The following PXN variants were observed in gnomAD, a reference collection of about 807,000 sequenced individuals.
The protein encoded by PXN is paxillin, also known as testicular tissue protein Li 134.
A neutral mutation model predicts 103.6 loss-of-function variants in PXN; 61 were observed. That is an observed-to-expected ratio of 0.59 (90% CI 0.48 to 0.73). The LOEUF (loss-of-function observed/expected upper bound fraction) is 0.73. PXN is among the 30% of genes least tolerant of loss of function. PXN has a pLI of 0.00. For synonymous variants in PXN, 562 were observed against 607.8 expected (o/e 0.92, Z 1.11); for missense variants, 1,274 against 1,460.3 (o/e 0.87, Z 2.08).
chr12:120,223,739 C>G lies in PXN; in HGVS notation c.335G>C (p.Gly112Ala), dbSNP rs377641479. The G allele has an allele frequency of 1.2e-6, 2 of 1,602,002 alleles. No homozygotes were observed. Among genetic ancestry groups the G allele is most frequent in the African/African-American group, 2.7e-5 (2 of 74,718 alleles). The change falls in exon 3 of 15, where the codon GGT (glycine) becomes GCT (alanine). Residue 112 changes from glycine to alanine, a missense_variant. Physicochemically the swap from Gly to Ala is moderately conservative, Grantham distance 60. This residue lies in a region of PXN where 1,178 missense variants were observed against 1,309.0 expected (regional missense o/e 0.90). Transcript: ENST00000637617. ...GTACCTGTAGACGTGCTCCTCCTCA[C>G]CCACTCGGGAGCACGGAGAGCCAAC... ...DSVGSPCSRV[G>A]EEEHVYSFPN...
chr12:120,227,474 C>T (rs771007821), intron 1 of PXN, among the ~76,000 whole-genome samples: 12 of 152,304 alleles, frequency 7.9e-5, no homozygotes, highest in African/African-American at 2.6e-4. Context: ...GCACTCTAGC[C>T]GGGGTGACAG....
rs1290606539 is a variant in PXN, at chr12:120,217,989, G to A, written c.1717-873C>T. The stretch of plus-strand genomic sequence containing the variant: ...CTATTATACTTGTTGGTAGTGTTTT[G>A]GGGGTTTTTGGTTGTTTCGTTTTGT... On this transcript the variant is annotated intron_variant, in intron 7 of 14. Transcript: ENST00000637617. This position sits in a 1 kb window ranked among gnomAD's most constrained non-coding sequence, Gnocchi z 4.1. 6.7e-6 allele frequency among the ~76,000 whole-genome samples: 1 copy of A among 149,556 alleles called. No individual in the cohort carries two copies. Among genetic ancestry groups the A allele is most frequent in the Non-Finnish European group, 1.5e-5 (1 of 67,554 alleles).
chr12:120,230,247 G>C (rs1167119164), intron 1 of PXN, among the ~76,000 whole-genome samples: 1 of 152,204 alleles, frequency 6.6e-6, no homozygotes, highest in Non-Finnish European at 1.5e-5. Context: ...GGCCTTCCCC[G>C]CAGCCCTGGG....
In PXN at chr12:120,225,672, A is replaced by G. The variant is rs933596915; in HGVS notation, c.14-1295T>C. ...CCAAAAACCTGGCCTGTAAGAGGCC[A>G]CTATGACTACCAGATGATGCCATAC... is the stretch of plus-strand genomic sequence containing the variant. On this transcript the variant is annotated intron_variant, in intron 1 of 14. Coordinates refer to ENST00000637617, the MANE Select transcript of PXN (RefSeq NM_001385981.1). This position sits in a 1 kb window ranked among gnomAD's most constrained non-coding sequence, Gnocchi z 4.4. Among the ~76,000 whole-genome samples the G allele has an allele frequency of 5.3e-5, 8 of 152,190 alleles. No individual in the cohort carries two copies. Among genetic ancestry groups the G allele is most frequent in the African/African-American group, 1.9e-4 (8 of 41,444 alleles).
chr12:120,232,785 G>A (rs555751492), intron 1 of PXN, among the ~76,000 whole-genome samples: 1 of 152,166 alleles, frequency 6.6e-6, no homozygotes, highest in South Asian at 2.1e-4. Flanking sequence ...GCCTGTTCCT[G>A]AGATGAGCTG....
At chr12:120,261,432 G>A (rs774070543) in intron 1 of PXN, among the ~76,000 whole-genome samples, 2 of 152,054 alleles carry the variant, frequency 1.3e-5, no homozygotes, top group African/African-American at 2.4e-5. Flanking sequence ...CTCAAAAGAT[G>A]CACCCACTTC....
At position 120,265,396 on chromosome 12, in the gene PXN, C is replaced by CG. The variant is rs1055972122; in HGVS notation, c.13+220dup. Among the ~76,000 whole-genome samples the CG allele has an allele frequency of 5.5e-4, 84 of 152,174 alleles. No individual in the cohort carries two copies. The highest frequency in any genetic ancestry group is 1.6e-3 in the African/African-American group (66 of 41,548). ...GGTCCAGAGGTGAAGCCGTCCCAGA[C>CG]GGGGGGTCGCTGCTGTGCGGTCGGT... On this transcript the variant is annotated intron_variant, in intron 1 of 14. Coordinates refer to ENST00000637617, the MANE Select transcript of PXN (RefSeq NM_001385981.1). The surrounding 1 kb of genome is among the most constrained non-coding windows in gnomAD (Gnocchi z 5.7).
rs1343343859 is a variant in PXN at position 120,215,402 on chromosome 12, C to T, written c.2404-129G>A. On this transcript the variant is annotated intron_variant, in intron 10 of 14. Coordinates refer to ENST00000637617, the MANE Select transcript of PXN (RefSeq NM_001385981.1). This position sits in a 1 kb window ranked among gnomAD's most constrained non-coding sequence, Gnocchi z 4.9. Reference sequence around the variant, plus strand: ...ATGGAGACAAGAAGTACAACCTCCTCCAGGGGCCAGGAGCCCTAAAGTGGG... The same window carrying T: ...ATGGAGACAAGAAGTACAACCTCCTTCAGGGGCCAGGAGCCCTAAAGTGGG... 3 of 1,454,538 alleles carry T rather than the reference C, an allele frequency of 2.1e-6. No individual in the cohort carries two copies. The highest frequency in any genetic ancestry group is 1.8e-6 in the Non-Finnish European group (2 of 1,103,748). 90.1% of individuals were successfully genotyped at this position (1,454,538 alleles called of 1,614,324 possible). A position where few individuals can be genotyped will look rare whatever the true frequency, so the allele number is the denominator to read the frequency against.
intron 1 of PXN, chr12:120,227,053 T>A: frequency 1.0e-6 from 1 of 986,344 alleles, no homozygotes; most frequent in Non-Finnish European, 1.2e-6. Flanking sequence ...TGCAAAGTAC[T>A]AACTTCTTCT....
intron 1 of PXN, among the ~76,000 whole-genome samples, chr12:120,245,401 C>A: frequency 6.6e-6 from 1 of 150,646 alleles, no homozygotes; most frequent in Non-Finnish European, 1.5e-5. Flanking sequence ...GAAGACAACA[C>A]GTTCTCAGAC....
Position 120,211,506 on chromosome 12 carries a change from A to G in PXN, c.*808T>C. 5.7e-6 allele frequency: 1 copy of G among 174,330 alleles called. No individual in the cohort carries two copies. Among genetic ancestry groups the G allele is most frequent in the Non-Finnish European group, 1.3e-5 (1 of 79,828 alleles). 10.8% of individuals were successfully genotyped at this position (174,330 alleles called of 1,614,324 possible). On this transcript the variant is annotated 3_prime_UTR_variant, in exon 15 of 15. Transcript: ENST00000637617. The stretch of plus-strand genomic sequence containing the variant: ...CCAGTGGCGGTGGATGAGGAAGAGA[A>G]TACAAAAGGGAACGTCTTTAAAATC...
At chr12:120,227,640 T>C (rs1887161287) in intron 1 of PXN, among the ~76,000 whole-genome samples, 1 of 152,180 alleles carries the variant, frequency 6.6e-6, no homozygotes, top group African/African-American at 2.4e-5. Flanking sequence ...GTCTCTGGTA[T>C]GGCTTCCTCC....
rs1168252395 is a variant in PXN at position 120,259,199 on chromosome 12, C to T, written c.13+6418G>A. ...CTGAGGTCAGGAGTTGAAGACCAGCCTAAACAATATGGTGAAACCCCACCT... is the reference window on the plus strand; with the variant it reads ...CTGAGGTCAGGAGTTGAAGACCAGCTTAAACAATATGGTGAAACCCCACCT... On this transcript the variant is annotated intron_variant, in intron 1 of 14. Transcript: ENST00000637617. 7.2e-5 allele frequency among the ~76,000 whole-genome samples: 11 copies of T among 152,240 alleles called. No homozygotes were observed. In the East Asian group the frequency reaches 1.9e-3, roughly 27 times the overall value.
At position 120,265,133 on chromosome 12, in the gene PXN, C is replaced by T. The variant is rs1003072973; in HGVS notation, c.13+484G>A. On this transcript the variant is annotated intron_variant, in intron 1 of 14. Transcript: ENST00000637617. This position sits in a 1 kb window ranked among gnomAD's most constrained non-coding sequence, Gnocchi z 5.7. The stretch of plus-strand genomic sequence containing the variant: ...GAAGTGGGGGGCGGCCCTGGAGGGA[C>T]GGGGAGCAGGTCGAGGAAATGAGGG... Among the ~76,000 whole-genome samples, 1 of 139,344 alleles carries T rather than the reference C, an allele frequency of 7.2e-6. No homozygotes were observed. Among genetic ancestry groups the T allele is most frequent in the Non-Finnish European group, 1.5e-5 (1 of 66,020 alleles). The allele number at this position is 139,344 out of a possible 152,430, so 91.4% of individuals were successfully genotyped here.
chr12:120,255,307 C>T (rs1892824982), intron 1 of PXN, among the ~76,000 whole-genome samples: 1 of 152,042 alleles, frequency 6.6e-6, no homozygotes, highest in African/African-American at 2.4e-5. Flanking sequence ...GCAAGCGGAG[C>T]TTAAGGAAGG....
In PXN at chr12:120,216,139, C is replaced by T; in HGVS notation, c.2301+134G>A. 1 of 1,275,582 alleles carries T rather than the reference C, an allele frequency of 7.8e-7. No individual in the cohort carries two copies. Among genetic ancestry groups the T allele is most frequent in the Non-Finnish European group, 9.9e-7 (1 of 1,013,238 alleles). 79.0% of individuals were successfully genotyped at this position (1,275,582 alleles called of 1,614,324 possible). ...AAGGTTTACGGCAGGACTGTGGTTA[C>T]TGTGCTGGGGCTTGTAGATGGAGGG... is the stretch of plus-strand genomic sequence containing the variant. On this transcript the variant is annotated intron_variant, in intron 9 of 14. Transcript: ENST00000637617. The surrounding 1 kb of genome is among the most constrained non-coding windows in gnomAD (Gnocchi z 5.1).
intron 1 of PXN, among the ~76,000 whole-genome samples, chr12:120,255,710 A>T (rs1892896755): frequency 1.3e-5 from 2 of 151,516 alleles, no homozygotes; most frequent in Non-Finnish European, 2.9e-5. Flanking sequence ...GATAATAATA[A>T]ATTTAAAAAT....
intron 3 of PXN, 110 bp downstream of exon 3, chr12:120,223,608 A>G (rs1249168370): frequency 3.9e-6 from 3 of 768,864 alleles, no homozygotes; most frequent in Non-Finnish European, 6.2e-6. Context: ...ATAACCCCAC[A>G]AGGCCCAGTT....
At chr12:120,261,130 C>T (rs1398107545) in intron 1 of PXN, among the ~76,000 whole-genome samples, 1 of 152,180 alleles carries the variant, frequency 6.6e-6, no homozygotes, top group Non-Finnish European at 1.5e-5. Flanking sequence ...TTCAAGCAAA[C>T]AATGCATGTA....
Sources: gnomAD v4.1 joint callset for allele counts (sites outside exome capture counted in the v4.1 genomes callset) on GRCh38, gnomAD v4.1.1 for gene constraint, gnomAD v4.1.1 regional missense constraint, Gnocchi (gnomAD v3.1) non-coding constraint, MANE v1.5 for transcripts, NCBI Gene and HGNC (gene_info 2026-07-23, HGNC 2026-07-21) for gene names.